The following KIAA1217 variants were observed in gnomAD, a reference collection of about 807,000 sequenced individuals.
The protein encoded by KIAA1217 is sickle tail protein homolog.
Under a neutral mutation model 163.9 loss-of-function variants are expected in KIAA1217, and 88 were observed. The ratio of observed to expected loss-of-function variants is 0.54; its 90% CI spans 0.45 to 0.64. The LOEUF (loss-of-function observed/expected upper bound fraction) is 0.64. Ranked by LOEUF, KIAA1217 falls within the 30% of genes least tolerant of loss-of-function variation. The pLI, the probability that KIAA1217 is intolerant of heterozygous loss-of-function variation, is 0.00. For missense variants in KIAA1217, 2,372 were observed against 2,475.0 expected (o/e 0.96, Z 0.88); for synonymous variants, 903 against 923.1 (o/e 0.98, Z 0.39).
chr10:24,343,953 G>A (rs1202745088), intron 2 of KIAA1217, among the ~76,000 whole-genome samples: 2 of 152,024 alleles, frequency 1.3e-5, no homozygotes, highest in South Asian at 2.1e-4. Context: ...CTGTTTTTCC[G>A]TCTCCAATTC....
chr10:24,369,762 C>A (rs2051312801), intron 2 of KIAA1217, among the ~76,000 whole-genome samples: 1 of 152,128 alleles, frequency 6.6e-6, no homozygotes, highest in African/African-American at 2.4e-5. Context: ...ACACAGACAC[C>A]TTTTATCCTA....
At chr10:24,436,871 T>C (rs1187627360) in intron 4 of KIAA1217, among the ~76,000 whole-genome samples, 1 of 151,888 alleles carries the variant, frequency 6.6e-6, no homozygotes, top group Non-Finnish European at 1.5e-5. Flanking sequence ...TGCACTTCCT[T>C]CAGTGTTTCT....
chr10:24,277,517 C>A (rs893343070), intron 2 of KIAA1217, among the ~76,000 whole-genome samples: 2 of 152,202 alleles, frequency 1.3e-5, no homozygotes, highest in African/African-American at 4.8e-5. Flanking sequence ...TTCCCATAAT[C>A]CCCACATGTT....
intron 2 of KIAA1217, among the ~76,000 whole-genome samples, chr10:24,234,725 G>A (rs984327201): frequency 3.3e-5 from 5 of 150,334 alleles, no homozygotes; most frequent in Non-Finnish European, 5.9e-5. Flanking sequence ...AGCCTAATTC[G>A]TTAAGTCTGT....
intron 1 of KIAA1217, among the ~76,000 whole-genome samples, chr10:23,854,178 G>A (rs549595188): frequency 6.6e-6 from 1 of 151,962 alleles, no homozygotes; most frequent in Non-Finnish European, 1.5e-5. Context: ...TCTACATGCT[G>A]CTTTGAATGT....
chr10:23,900,745 G>A (rs1025366501), intron 1 of KIAA1217, among the ~76,000 whole-genome samples: 1 of 152,042 alleles, frequency 6.6e-6, no homozygotes, highest in Non-Finnish European at 1.5e-5. Flanking sequence ...ATAGGAGGTA[G>A]GAAGGCAGTT....
At chr10:24,402,538 A>C (rs1312902457) in intron 3 of KIAA1217, among the ~76,000 whole-genome samples, 1 of 151,650 alleles carries the variant, frequency 6.6e-6, no homozygotes, top group Non-Finnish European at 1.5e-5. Context: ...CAAAAAAAAA[A>C]AAAAGGCAAA....
intron 3 of KIAA1217, among the ~76,000 whole-genome samples, chr10:24,385,068 C>G (rs545286373): frequency 1.3e-5 from 2 of 152,306 alleles, no homozygotes; most frequent in African/African-American, 2.4e-5. Context: ...CGTGGTGCCA[C>G]AGTTTGTCAC....
At position 24,407,285 on chromosome 10, in the gene KIAA1217, T is replaced by C. The variant is rs563265375; in HGVS notation, c.554-25710T>C. Among the ~76,000 whole-genome samples, 324 of 148,934 alleles carry C rather than the reference T, an allele frequency of 2.2e-3. 1 individual carries two copies. The highest frequency in any genetic ancestry group is 0.018 in the South Asian group (86 of 4,772). ...GTGTGTGTGTGTGTGTGTGTGTGTG[T>C]GCGTGCGTGTGCGTGCGCGTGCGCA... On this transcript the variant is annotated intron_variant, in intron 3 of 20. Transcript: ENST00000376454.
chr10:23,772,386 T>G (rs1428108313), intron 1 of KIAA1217, among the ~76,000 whole-genome samples: 1 of 152,048 alleles, frequency 6.6e-6, no homozygotes, highest in African/African-American at 2.4e-5. Flanking sequence ...ATGTTAAAAA[T>G]GTACCTGAAA....
chr10:24,209,261 A>T lies in KIAA1217; in HGVS notation c.68A>T (p.Gln23Leu). The T allele has an allele frequency of 6.2e-7, 1 of 1,612,500 alleles. No homozygotes were observed. The highest frequency in any genetic ancestry group is 8.5e-7 in the Non-Finnish European group (1 of 1,178,752). Residue 23 changes from glutamine to leucine, a missense_variant and splice_region_variant, in exon 1 of 21, where the codon CAG becomes CTG. Gln to Leu is a moderately radical substitution (Grantham distance 113). Coordinates refer to ENST00000376454, the MANE Select transcript of KIAA1217 (RefSeq NM_019590.5). ...LPYSADRRQMQEQGKGNLHVT... is the reference protein window; with the variant it reads ...LPYSADRRQMLEQGKGNLHVT... Reference sequence around the variant, plus strand: ...TACTCAGCAGACAGAAGACAGATGCAGGGTAAGTAACAGACCCATTCAAAG... The same window carrying T: ...TACTCAGCAGACAGAAGACAGATGCTGGGTAAGTAACAGACCCATTCAAAG...
intron 9 of KIAA1217, among the ~76,000 whole-genome samples, chr10:24,510,211 G>A (rs1443066843): frequency 6.6e-6 from 1 of 152,116 alleles, no homozygotes; most frequent in Non-Finnish European, 1.5e-5. Flanking sequence ...TCTAATTGCC[G>A]AGCACACCCT....
intron 1 of KIAA1217, among the ~76,000 whole-genome samples, chr10:23,739,623 A>C (rs1838997919): frequency 6.6e-6 from 1 of 152,130 alleles, no homozygotes; most frequent in African/African-American, 2.4e-5. Flanking sequence ...TTTTTTGTAC[A>C]TGAGATGGGA....
intron 2 of KIAA1217, among the ~76,000 whole-genome samples, chr10:24,348,320 AGAGT>A (rs1345554257): frequency 3.4e-5 from 5 of 146,004 alleles, no homozygotes; most frequent in Non-Finnish European, 6.0e-5. Flanking sequence ...CCTGGGTGAC[AGAGT>A]GAGACCCTGT....
chr10:24,257,271 A>G (rs1362427721), intron 2 of KIAA1217, among the ~76,000 whole-genome samples: 1 of 152,172 alleles, frequency 6.6e-6, no homozygotes, highest in Admixed American at 6.5e-5. Context: ...ATGGAAACAA[A>G]GATATTTACT....
chr10:24,278,016 G>T (rs556015281), intron 2 of KIAA1217, among the ~76,000 whole-genome samples: 3 of 152,318 alleles, frequency 2.0e-5, no homozygotes, highest in African/African-American at 7.2e-5. Context: ...CTTTGAGGAC[G>T]GACGCACAGT....
chr10:24,089,899 G>A (rs1241880842), intron 2 of KIAA1217, among the ~76,000 whole-genome samples: 4 of 151,760 alleles, frequency 2.6e-5, no homozygotes, highest in Non-Finnish European at 5.9e-5. Flanking sequence ...TGCCATCCCT[G>A]TCAAGCTACC....
chr10:24,043,371 A>G (rs956352451), intron 2 of KIAA1217, among the ~76,000 whole-genome samples: 1 of 152,096 alleles, frequency 6.6e-6, no homozygotes, highest in Admixed American at 6.6e-5. Flanking sequence ...CTATTTTATA[A>G]TTTTAAACCT....
chr10:24,008,760 A>G (rs374971828), intron 2 of KIAA1217, among the ~76,000 whole-genome samples: 62 of 152,246 alleles, frequency 4.1e-4, no homozygotes, highest in African/African-American at 1.4e-3. Context: ...TTCTCACCCC[A>G]GGGAGAAGCC....
Sources: gnomAD v4.1 joint callset for allele counts (sites outside exome capture counted in the v4.1 genomes callset) on GRCh38, gnomAD v4.1.1 for gene constraint, MANE v1.5 for transcripts, NCBI Gene and HGNC (gene_info 2026-07-23, HGNC 2026-07-21) for gene names.